ZNF415: variants seen among roughly 807,000 people sequenced by gnomAD.
The protein encoded by ZNF415 is zinc finger protein 415.
A neutral mutation model predicts 7.3 loss-of-function variants in ZNF415; 5 were observed. That is an observed-to-expected ratio of 0.69 (90% CI 0.36 to 1.44). The LOEUF is 1.44. ZNF415 is among the 40% of genes most tolerant of loss of function. ZNF415 has a pLI of 0.04. For synonymous variants in ZNF415, 207 were observed against 226.3 expected, an observed-to-expected ratio of 0.91 and a Z score of 0.77; for missense variants, 628 against 664.8, an observed-to-expected ratio of 0.94 and a Z score of 0.61.
chr19:53,123,411 C>G (rs1209547194), intron 1 of ZNF415: 1 of 397,534 alleles, frequency 2.5e-6, no homozygotes, highest in Non-Finnish European at 4.4e-6. Context: ...GAGGGTGTAG[C>G]TGGAGTGTGA....
At position 53,109,037 on chromosome 19, in the gene ZNF415, G is replaced by C; in HGVS notation, c.1008C>G (p.Ala336=). ...TGGTAAGTGTTGACCTCACACTAAA[G>C]GCTTTGCCACACTCTTTACATGTGT... The part of the protein sequence containing the change: ...KPYTCKECGK[A]FSVRSTLTNH... Residue 336 remains alanine, a synonymous_variant, in exon 4 of 4, where the codon GCC becomes GCG. Transcript: ENST00000243643. 6.2e-7 allele frequency: 1 copy of C among 1,613,686 alleles called. No homozygotes were observed. The highest frequency in any genetic ancestry group is 8.5e-7 in the Non-Finnish European group (1 of 1,179,742).
intron 3 of ZNF415, among the ~76,000 whole-genome samples, chr19:53,112,682 G>A (rs1308961583): frequency 1.3e-5 from 2 of 152,212 alleles, no homozygotes; most frequent in African/African-American, 2.4e-5. Context: ...AAGGTATCAT[G>A]TGAGGATAGG....
At chr19:53,118,194 A>G (rs992212655) in intron 2 of ZNF415, among the ~76,000 whole-genome samples, 2 of 152,156 alleles carry the variant, frequency 1.3e-5, no homozygotes, top group Non-Finnish European at 2.9e-5. Context: ...TAAGTTAAAA[A>G]CAGTAAAAGA....
At chr19:53,123,840 G>T in intron 1 of ZNF415, 1 of 338,088 alleles carries the variant, frequency 3.0e-6, no homozygotes, top group East Asian at 4.4e-5. Flanking sequence ...ACATGGTCCC[G>T]CTCATCTGAG....
At chr19:53,128,933 C>A (rs73935246) in intron 1 of ZNF415, among the ~76,000 whole-genome samples, 1 of 133,604 alleles carries the variant, frequency 7.5e-6, no homozygotes, top group Non-Finnish European at 1.7e-5. Flanking sequence ...GAGGGAGACA[C>A]AAAACACTCA....
intron 3 of ZNF415, among the ~76,000 whole-genome samples, chr19:53,110,266 T>C (rs2086041822): frequency 1.3e-5 from 2 of 152,160 alleles, no homozygotes; most frequent in South Asian, 4.1e-4. Context: ...AAATATTACA[T>C]TTTACCTAGC....
At position 53,109,785 on chromosome 19, in the gene ZNF415, C is replaced by A; in HGVS notation, c.260G>T (p.Arg87Met). The A allele has an allele frequency of 6.2e-7, 1 of 1,614,046 alleles. No individual in the cohort carries two copies. Among genetic ancestry groups the A allele is most frequent in the Non-Finnish European group, 8.5e-7 (1 of 1,180,008 alleles). ...GTCGTGTATTTTTTTCTTGATTTCC[C>A]TGAAGCAAAACTCTTCAATGTCATG... ...EKHDIEEFCF[R>M]EIKKKIHDFD... Residue 87 changes from arginine (R) to methionine (M), a missense_variant, in exon 4 of 4, where the codon AGG becomes ATG. Coordinates refer to ENST00000243643, the MANE Select transcript of ZNF415 (RefSeq NM_018355.4).
intron 1 of ZNF415, among the ~76,000 whole-genome samples, chr19:53,128,430 C>T (rs2089562944): frequency 6.9e-6 from 1 of 144,106 alleles, no homozygotes; most frequent in African/African-American, 2.5e-5. Flanking sequence ...TCTCCACTCA[C>T]AGTCCCCTGC....
chr19:53,111,277 C>T (rs1048908135), intron 3 of ZNF415, among the ~76,000 whole-genome samples: 1 of 151,812 alleles, frequency 6.6e-6, no homozygotes, highest in African/African-American at 2.4e-5. Flanking sequence ...ATTTTGACTT[C>T]CCAGCTTCCA....
intron 1 of ZNF415, among the ~76,000 whole-genome samples, chr19:53,127,415 G>C (rs955924520): frequency 6.6e-6 from 1 of 152,114 alleles, no homozygotes; most frequent in East Asian, 1.9e-4. Flanking sequence ...ACTGACCCAC[G>C]ACAATGTATT....
chr19:53,132,376 G>A (rs1048445566), intron 1 of ZNF415, among the ~76,000 whole-genome samples: 11 of 152,154 alleles, frequency 7.2e-5, no homozygotes, highest in African/African-American at 4.8e-5. Flanking sequence ...TCCCCAGCGC[G>A]GGCTCAGGGG....
chr19:53,124,252 A>T, intron 1 of ZNF415: 1 of 144,074 alleles, frequency 6.9e-6, no homozygotes, highest in South Asian at 2.0e-4. Context: ...AAAAAAAAAG[A>T]GGTTTATTTG....
chr19:53,131,938 G>A (rs2560949), intron 1 of ZNF415, among the ~76,000 whole-genome samples: 29,434 of 151,332 alleles, frequency 0.19, 3,187 homozygotes, highest in African/African-American at 0.29. Flanking sequence ...TTGCTGTCCC[G>A]GTACCACACT....
intron 3 of ZNF415, among the ~76,000 whole-genome samples, chr19:53,113,371 G>T (rs1334737563): frequency 1.2e-5 from 1 of 83,758 alleles, no homozygotes; most frequent in Non-Finnish European, 2.4e-5. Flanking sequence ...GCCGGGCATG[G>T]TGGCGCACGC....
chr19:53,114,255 C>T (rs1490879965), intron 3 of ZNF415, among the ~76,000 whole-genome samples: 1 of 152,186 alleles, frequency 6.6e-6, no homozygotes, highest in Admixed American at 6.5e-5. Flanking sequence ...CAGCTCACTG[C>T]AACCTCCGCC....
intron 1 of ZNF415, among the ~76,000 whole-genome samples, chr19:53,128,713 T>C (rs2089623860): frequency 8.7e-6 from 1 of 115,376 alleles, no homozygotes; most frequent in Admixed American, 9.0e-5. Context: ...CCTTCTGCTC[T>C]TACATAGACT....
At chr19:53,127,695 G>A (rs1029135978) in intron 1 of ZNF415, among the ~76,000 whole-genome samples, 3 of 152,132 alleles carry the variant, frequency 2.0e-5, no homozygotes, top group Admixed American at 6.6e-5. Flanking sequence ...TGGCCAACAT[G>A]GTGAAACCCC....
At chr19:53,112,103 G>C (rs961139235) in intron 3 of ZNF415, among the ~76,000 whole-genome samples, 2 of 151,958 alleles carry the variant, frequency 1.3e-5, no homozygotes, top group East Asian at 3.9e-4. Context: ...CACCATGCCC[G>C]GCTACTTTTT....
At chr19:53,127,953 C>T (rs1203641940) in intron 1 of ZNF415, among the ~76,000 whole-genome samples, 1 of 152,056 alleles carries the variant, frequency 6.6e-6, no homozygotes, top group Non-Finnish European at 1.5e-5. Context: ...CATAACCACC[C>T]ATAAACCCAC....
Sources: allele counts gnomAD v4.1 joint callset (sites outside exome capture counted in the v4.1 genomes callset), GRCh38; gene constraint gnomAD v4.1.1; transcripts MANE v1.5; gene names NCBI Gene and HGNC (gene_info 2026-07-23, HGNC 2026-07-21).